The following HUS1 variants were observed in gnomAD, a reference collection of about 807,000 sequenced individuals.
The protein encoded by HUS1 is HUS1 checkpoint clamp component.
In HUS1, 31 loss-of-function variants were observed where a neutral mutation model predicts 32.6. The ratio of observed to expected loss-of-function variants is 0.95; its 90% CI spans 0.72 to 1.28. The LOEUF is 1.28. Among genes scored for constraint, HUS1 ranks in the 50% most tolerant of loss-of-function variants. The pLI is 0.00. For missense variants in HUS1, 340 were observed against 337.7 expected, an observed-to-expected ratio of 1.01 and a Z score of -0.05; for synonymous variants, 123 against 116.6, an observed-to-expected ratio of 1.06 and a Z score of -0.36.
intron 1 of HUS1, 114 bp from the exon 2 acceptor site, chr7:47,978,930 T>A: frequency 9.3e-7 from 1 of 1,074,772 alleles, no homozygotes; most frequent in Non-Finnish European, 1.4e-6. Context: ...AATAACCACT[T>A]AACGTTGGTA....
At chr7:47,976,941 G>T in intron 3 of HUS1, 104 bp from the exon 4 acceptor site, 1 of 682,960 alleles carries the variant, frequency 1.5e-6, no homozygotes, top group Non-Finnish European at 2.6e-6. Flanking sequence ...CCAAATCTAA[G>T]TGGAATGCTG....
chr7:47,975,737 T>C (rs1583723094), intron 4 of HUS1, 50 bp from the exon 5 acceptor site: 2 of 1,072,998 alleles, frequency 1.9e-6, no homozygotes, highest in East Asian at 2.6e-5. Context: ...ATTAATATAC[T>C]CTAGTAATGA....
chr7:47,971,279 C>T (rs1283079152), intron 5 of HUS1: 3 of 257,578 alleles, frequency 1.2e-5, no homozygotes, highest in Non-Finnish European at 2.4e-5. Flanking sequence ...AATGAAATGT[C>T]CAAATCCAGA....
intron 6 of HUS1, among the ~76,000 whole-genome samples, chr7:47,968,541 G>A (rs1788528493): frequency 6.6e-6 from 1 of 152,258 alleles, no homozygotes; most frequent in Non-Finnish European, 1.5e-5. Context: ...GATTTTATTG[G>A]TTCTGGCACA....
intron 5 of HUS1, among the ~76,000 whole-genome samples, chr7:47,970,321 G>A (rs1230295719): frequency 1.3e-5 from 2 of 150,422 alleles, no homozygotes; most frequent in East Asian, 2.0e-4. Flanking sequence ...GCTCAGACAT[G>A]AGATGACCAG....
At chr7:47,968,981 G>A (rs1032876907) in intron 6 of HUS1, 1 of 424,734 alleles carries the variant, frequency 2.4e-6, no homozygotes, top group Non-Finnish European at 4.2e-6. Flanking sequence ...TTCTACAGAG[G>A]ATGGAGACCC....
At chr7:47,978,386 CTG>C (rs1290050458) in intron 3 of HUS1, 29 bp downstream of exon 3, 3 of 1,589,900 alleles carry the variant, frequency 1.9e-6, no homozygotes, top group Non-Finnish European at 2.6e-6. Flanking sequence ...GCCAAGACTT[CTG>C]TGTTAGAAAC....
chr7:47,977,679 G>A (rs944415773), intron 3 of HUS1, among the ~76,000 whole-genome samples: 7 of 152,140 alleles, frequency 4.6e-5, no homozygotes, highest in African/African-American at 1.2e-4. Flanking sequence ...ATCACTTGAC[G>A]TCAGGAGTTC....
intron 5 of HUS1, among the ~76,000 whole-genome samples, chr7:47,970,703 TCAAGA>T (rs1177250563): frequency 6.6e-6 from 1 of 152,172 alleles, no homozygotes; most frequent in Non-Finnish European, 1.5e-5. Context: ...CCCCGGATGG[TCAAGA>T]CAATTGGATT....
chr7:47,963,478 TG>T lies in HUS1; in HGVS notation c.*1877del, dbSNP rs1199208970. 2 of 152,272 alleles carry T rather than the reference TG, an allele frequency of 1.3e-5. No individual in the cohort carries two copies. The highest frequency in any genetic ancestry group is 1.3e-4 in the Admixed American group (2 of 15,286). 9.4% of individuals were successfully genotyped at this position (152,272 alleles called of 1,614,324 possible). Reference sequence around the variant, plus strand: ...ACTACTTTCAGATATTGTTTCATTTTGTATCATGATTTTTAAGTTTTCTCAC... The same window carrying T: ...ACTACTTTCAGATATTGTTTCATTTTTATCATGATTTTTAAGTTTTCTCAC... On this transcript the variant is annotated 3_prime_UTR_variant, in exon 8 of 8. Transcript: ENST00000258774.
intron 4 of HUS1, 122 bp downstream of exon 4, chr7:47,976,603 ATAATC>A (rs1417182779): frequency 2.3e-5 from 16 of 699,250 alleles, no homozygotes; most frequent in Non-Finnish European, 3.9e-5. Context: ...CAAAAGGCAA[ATAATC>A]TAATGTTTTC....
intron 7 of HUS1, among the ~76,000 whole-genome samples, chr7:47,966,034 G>A (rs1788471025): frequency 6.6e-6 from 1 of 151,656 alleles, no homozygotes; most frequent in South Asian, 2.1e-4. Flanking sequence ...AAGCTCTCCA[G>A]CAGATATGAG....
At position 47,967,674 on chromosome 7, in the gene HUS1, A is replaced by T. The variant is rs1035733438; in HGVS notation, c.760+132T>A. ...AAAAACCCCACTGTTCTAGGAAGTT[A>T]AAGTCCACATAATTGAGCTTTTTTT... On this transcript the variant is annotated intron_variant, in intron 7 of 7. Transcript: ENST00000258774. The T allele has an allele frequency of 6.8e-6, 6 of 875,940 alleles. No individual in the cohort carries two copies. The African/African-American group carries it at 8.6e-5, about 13-fold the overall frequency. The allele number at this position is 875,940 out of a possible 1,614,324, so 54.3% of individuals were successfully genotyped here.
chr7:47,968,908 TAGG>T, intron 6 of HUS1: 1 of 233,144 alleles, frequency 4.3e-6, no homozygotes, highest in Non-Finnish European at 8.2e-6. Context: ...TAGAAATCTT[TAGG>T]AGTAGGACAG....
In HUS1 at chr7:47,969,336, T is replaced by C; in HGVS notation, c.541-18A>G. ...TCAATAACCTGCAAATTGAGTATTT[T>C]ACATAGTCTTAGAAAAGGAAGCCAA... On this transcript the variant is annotated intron_variant, in intron 5 of 7. Transcript: ENST00000258774. 1.4e-6 allele frequency: 2 copies of C among 1,391,040 alleles called. No individual in the cohort carries two copies. The highest frequency in any genetic ancestry group is 2.0e-6 in the Non-Finnish European group (2 of 991,134). 86.2% of individuals were successfully genotyped at this position (1,391,040 alleles called of 1,614,324 possible).
intron 5 of HUS1, among the ~76,000 whole-genome samples, chr7:47,973,257 C>T (rs1049856294): frequency 4.6e-5 from 7 of 152,198 alleles, no homozygotes; most frequent in African/African-American, 1.7e-4. Flanking sequence ...CGGAGTAATA[C>T]AGGCACACAT....
chr7:47,970,912 C>A lies in HUS1; in HGVS notation c.541-1594G>T, dbSNP rs1478932286. ...CCAATGAAATCCTATTCCTGTGAGTCCTTCTTGAGTGATATGCTAGAGAAT... is the reference window on the plus strand; with the variant it reads ...CCAATGAAATCCTATTCCTGTGAGTACTTCTTGAGTGATATGCTAGAGAAT... On this transcript the variant is annotated intron_variant, in intron 5 of 7. Coordinates refer to ENST00000258774, the MANE Select transcript of HUS1 (RefSeq NM_004507.4). Among the ~76,000 whole-genome samples the A allele has an allele frequency of 5.3e-5, 8 of 152,184 alleles. No individual in the cohort carries two copies. The South Asian group carries it at 1.7e-3, about 32-fold the overall frequency.
At position 47,975,597 on chromosome 7, in the gene HUS1, A is replaced by C. The variant is rs1287061237; in HGVS notation, c.540+16T>G. 1 of 1,555,436 alleles carries C rather than the reference A, an allele frequency of 6.4e-7. No homozygotes were observed. The highest frequency in any genetic ancestry group is 8.9e-7 in the Non-Finnish European group (1 of 1,127,356). ...CAAATACTTCAGAGTTCTTTTCTAA[A>C]GAAGTTGTGACTTACAAGGTGATTG... On this transcript the variant is annotated intron_variant, in intron 5 of 7. Transcript: ENST00000258774.
In HUS1 at chr7:47,967,775, T is replaced by G. The variant is rs1397750515; in HGVS notation, c.760+31A>C. ...CTGCAGTATTTAGAATATGAAAGAA[T>G]ATGAAAAACAAAACAGAGAAGCACA... On this transcript the variant is annotated intron_variant, in intron 7 of 7. Coordinates refer to ENST00000258774, the MANE Select transcript of HUS1 (RefSeq NM_004507.4). The G allele has an allele frequency of 3.1e-6, 5 of 1,594,666 alleles. No individual in the cohort carries two copies. The African/African-American group carries it at 6.8e-5, about 22-fold the overall frequency.
Sources: gnomAD v4.1 joint callset for allele counts (sites outside exome capture counted in the v4.1 genomes callset) on GRCh38, gnomAD v4.1.1 for gene constraint, MANE v1.5 for transcripts, NCBI Gene and HGNC (gene_info 2026-07-23, HGNC 2026-07-21) for gene names.